Variants in SRRM1 observed in about 807,000 individuals in gnomAD.
The protein encoded by SRRM1 is serine and arginine repetitive matrix 1.
Under a neutral mutation model 110.2 loss-of-function variants are expected in SRRM1, and 19 were observed. That is an observed-to-expected ratio of 0.17 (90% CI 0.12 to 0.25). The LOEUF is 0.25. SRRM1 is among the 10% of genes least tolerant of loss of function. SRRM1 has a pLI of 1.00. For synonymous variants in SRRM1, 443 were observed against 414.9 expected, an observed-to-expected ratio of 1.07 and a Z score of -0.82; for missense variants, 918 against 1,145.8, an observed-to-expected ratio of 0.80 and a Z score of 2.87.
chr1:24,655,195 G>A, intron 9 of SRRM1, 66 bp downstream of exon 9: 1 of 1,538,250 alleles, frequency 6.5e-7, no homozygotes, highest in Non-Finnish European at 8.9e-7. Flanking sequence ...GTCAGTTATT[G>A]CCCCCTGCTC....
intron 4 of SRRM1, 63 bp from the exon 5 acceptor site, chr1:24,649,908 A>G (rs955227858): frequency 2.1e-6 from 3 of 1,420,068 alleles, no homozygotes; most frequent in African/African-American, 2.9e-5. Context: ...ACACGTAGAA[A>G]GTAGTCTTCA....
intron 11 of SRRM1, among the ~76,000 whole-genome samples, chr1:24,661,675 C>G (rs968592745): frequency 6.6e-6 from 1 of 152,086 alleles, no homozygotes; most frequent in Non-Finnish European, 1.5e-5. Flanking sequence ...CCTCCTAAAG[C>G]TTTTATTCAG....
rs375731760 is a variant in SRRM1, at chr1:24,646,121, T to C, written c.111+48T>C. On this transcript the variant is annotated intron_variant, in intron 2 of 16. Transcript: ENST00000323848. ...TGTGCATCTTTATAGCACACTTACT[T>C]GACTCAAGTTCTGGGGTTGTTTTGG... 103 of 1,422,556 alleles carry C rather than the reference T, an allele frequency of 7.2e-5. No homozygotes were observed. The African/African-American group carries it at 1.3e-3, about 18-fold the overall frequency. The allele number at this position is 1,422,556 out of a possible 1,614,324, so 88.1% of individuals were successfully genotyped here. A position where few individuals can be genotyped will look rare whatever the true frequency, so the allele number is the denominator to read the frequency against.
chr1:24,661,114 A>T (rs1287714285), intron 10 of SRRM1, 196 bp from the exon 11 acceptor site: 8 of 549,934 alleles, frequency 1.5e-5, no homozygotes, highest in Non-Finnish European at 2.3e-5. Flanking sequence ...TGCCTAAATA[A>T]ATTTTATTAT....
intron 10 of SRRM1, chr1:24,661,029 A>G: frequency 1.9e-6 from 1 of 535,582 alleles, no homozygotes; most frequent in Non-Finnish European, 3.3e-6. Context: ...TCTCCGAAAT[A>G]GGGACAGTAG....
intron 11 of SRRM1, among the ~76,000 whole-genome samples, chr1:24,662,123 C>T (rs934789843): frequency 2.6e-5 from 4 of 151,956 alleles, no homozygotes; most frequent in Non-Finnish European, 2.9e-5. Flanking sequence ...AATAATCTAC[C>T]CTATTATTTT....
intron 8 of SRRM1, chr1:24,654,426 T>G: frequency 9.1e-7 from 1 of 1,104,746 alleles, no homozygotes; most frequent in Non-Finnish European, 1.2e-6. Context: ...TGTAGCTAAA[T>G]GAATTCTTAG....
At chr1:24,671,297 TG>T (rs1672615514) in intron 15 of SRRM1, 88 bp from the exon 16 acceptor site, 2 of 1,318,992 alleles carry the variant, frequency 1.5e-6, no homozygotes, top group Non-Finnish European at 2.1e-6. Context: ...ATTTGTCCAT[TG>T]GGGATTTGAG....
chr1:24,644,903 G>A (rs1428662049), intron 1 of SRRM1, among the ~76,000 whole-genome samples: 1 of 152,162 alleles, frequency 6.6e-6, no homozygotes, highest in African/African-American at 2.4e-5. Context: ...TTTGCTTGTG[G>A]TATTGGTAAA....
chr1:24,669,653 C>G lies in SRRM1; in HGVS notation c.2204+66C>G, dbSNP rs1671740592. The G allele has an allele frequency of 3.3e-6, 4 of 1,214,122 alleles. No homozygotes were observed. In the Admixed American group the frequency reaches 7.9e-5, roughly 24 times the overall value. 75.2% of individuals were successfully genotyped at this position (1,214,122 alleles called of 1,614,324 possible). The stretch of plus-strand genomic sequence containing the variant: ...AGCTGTTTATATTTGGAAGCTTCCC[C>G]CCACCCCCATATAAAAGGAATAAGT... On this transcript the variant is annotated intron_variant, in intron 14 of 16. Transcript: ENST00000323848.
At chr1:24,651,947 G>A (rs1411704396) in intron 6 of SRRM1, among the ~76,000 whole-genome samples, 6 of 148,836 alleles carry the variant, frequency 4.0e-5, no homozygotes, top group Admixed American at 6.7e-5. Context: ...GGCACTTGGG[G>A]AGGCTGAGGT....
chr1:24,652,601 C>T lies in SRRM1; in HGVS notation c.893C>T (p.Pro298Leu). The T allele has an allele frequency of 1.2e-6, 2 of 1,606,998 alleles. No homozygotes were observed. The highest frequency in any genetic ancestry group is 1.1e-5 in the South Asian group (1 of 89,490). The change falls in exon 7 of 17, where the codon CCT (proline) becomes CTT (leucine). Residue 298 changes from proline (P) to leucine (L), a missense_variant. This residue lies in a region of SRRM1 where 456 missense variants were observed against 453.5 expected (regional missense o/e 1.01). Transcript: ENST00000323848. ...TRSRSPSHTR[P>L]RRRHRSRSRS... is the part of the protein sequence containing the mutation. ...TCCCGCTCTCCTTCTCACACTCGAC[C>T]TAGACGGCGCCATAGATCCCGATCA...
chr1:24,650,091 C>G lies in SRRM1; in HGVS notation c.521+5C>G. ...GCGGTCTCGTAGCCCAAGAAGGTAT[C>G]ATACAATAGATGCATAACTGATGTT... On this transcript the variant is annotated splice_donor_5th_base_variant and intron_variant, in intron 5 of 16. Coordinates refer to ENST00000323848, the MANE Select transcript of SRRM1 (RefSeq NM_005839.4). The G allele has an allele frequency of 1.3e-6, 2 of 1,559,866 alleles. No individual in the cohort carries two copies. Among genetic ancestry groups the G allele is most frequent in the Non-Finnish European group, 1.7e-6 (2 of 1,154,670 alleles).
At chr1:24,671,353 TA>T in intron 15 of SRRM1, 32 bp from the exon 16 acceptor site, 1 of 1,546,692 alleles carries the variant, frequency 6.5e-7, no homozygotes, top group Non-Finnish European at 8.8e-7. Context: ...AGATTGATTA[TA>T]AATGCTGGGT....
chr1:24,643,310 C>A lies in SRRM1; in HGVS notation c.-17C>A. 1 of 1,564,642 alleles carries A rather than the reference C, an allele frequency of 6.4e-7. No individual in the cohort carries two copies. The highest frequency in any genetic ancestry group is 8.6e-7 in the Non-Finnish European group (1 of 1,159,824). On this transcript the variant is annotated 5_prime_UTR_variant, in exon 1 of 17. Transcript: ENST00000323848. ...TGTACCCTGGGATAGGGAGCGATCTCCGAGCGAGGCGGCAAGATGGACGCG... is the reference window on the plus strand; with the variant it reads ...TGTACCCTGGGATAGGGAGCGATCTACGAGCGAGGCGGCAAGATGGACGCG...
Position 24,663,006 on chromosome 1 carries a change from T to C in SRRM1, c.1628+202T>C. 3 of 945,450 alleles carry C rather than the reference T, an allele frequency of 3.2e-6. No individual in the cohort carries two copies. The South Asian group carries it at 5.7e-5, about 18-fold the overall frequency. The allele number at this position is 945,450 out of a possible 1,614,324, so 58.6% of individuals were successfully genotyped here. A position where few individuals can be genotyped will look rare whatever the true frequency, so the allele number is the denominator to read the frequency against. ...TAATTAATTTAGAATTGGTAAATTT[T>C]AAACCACCATGTCATATATGTGTGC... On this transcript the variant is annotated intron_variant, in intron 12 of 16. Transcript: ENST00000323848.
intron 8 of SRRM1, 83 bp downstream of exon 8, chr1:24,653,115 C>A (rs1461529658): frequency 1.5e-6 from 2 of 1,351,894 alleles, no homozygotes; most frequent in African/African-American, 1.5e-5. Flanking sequence ...AAATTAGTGT[C>A]CCCTGGAAGA....
chr1:24,652,707 C>T, intron 7 of SRRM1, 79 bp downstream of exon 7: 1 of 1,384,028 alleles, frequency 7.2e-7, no homozygotes, highest in East Asian at 2.4e-5. Context: ...TAAATAATTT[C>T]AAAGTGGTAG....
chr1:24,663,022 A>G (rs983756432), intron 12 of SRRM1: 17 of 893,356 alleles, frequency 1.9e-5, no homozygotes, highest in African/African-American at 1.7e-4. Context: ...ACCATGTCAT[A>G]TATGTGTGCA....
Sources: allele counts gnomAD v4.1 joint callset (sites outside exome capture counted in the v4.1 genomes callset), GRCh38; gene constraint gnomAD v4.1.1; regional missense constraint gnomAD v4.1.1; transcripts MANE v1.5; gene names NCBI Gene and HGNC (gene_info 2026-07-23, HGNC 2026-07-21).